CYS1: variants seen among roughly 807,000 people sequenced by gnomAD.
CYS1 encodes cystin-1.
CYS1 carries 5 observed loss-of-function variants against 9.6 expected under a neutral mutation model. That is an observed-to-expected ratio of 0.52 (90% CI 0.27 to 1.10). The LOEUF is 1.10. CYS1 is among the 50% of genes least tolerant of loss of function. The pLI is 0.11. For synonymous variants in CYS1, 88 were observed against 95.7 expected, an observed-to-expected ratio of 0.92 and a Z score of 0.47; for missense variants, 221 against 207.9, an observed-to-expected ratio of 1.06 and a Z score of -0.39.
At chr2:10,067,406 C>CT (rs34525296) in intron 1 of CYS1, among the ~76,000 whole-genome samples, 43,833 of 118,134 alleles carry the variant, frequency 0.37, 8,387 homozygotes, top group East Asian at 0.61. Context: ...AAATTCTTTT[C>CT]TTTTTTTTTT....
Position 10,077,144 on chromosome 2 carries a change from C to T in CYS1, c.318+2762G>A, listed in dbSNP as rs369837426. ...CCCCACTAGTGAGTCCATAAGCCAACCGCCCCTCACCACCGCCCGCCAACC... is the reference window on the plus strand; with the variant it reads ...CCCCACTAGTGAGTCCATAAGCCAATCGCCCCTCACCACCGCCCGCCAACC... On this transcript the variant is annotated intron_variant, in intron 1 of 2. Transcript: ENST00000381813. 5.3e-5 allele frequency among the ~76,000 whole-genome samples: 8 copies of T among 152,046 alleles called. No homozygotes were observed. The East Asian group carries it at 1.5e-3, about 29-fold the overall frequency.
chr2:10,075,600 C>T (rs1368145514), intron 1 of CYS1, among the ~76,000 whole-genome samples: 1 of 152,212 alleles, frequency 6.6e-6, no homozygotes, highest in Non-Finnish European at 1.5e-5. Context: ...CTCACTGTGA[C>T]TGCTCTCTTT....
In CYS1 at chr2:10,057,104, A is replaced by C. The variant is rs532015104; in HGVS notation, c.*1749T>G. 3 of 152,272 alleles carry C rather than the reference A, an allele frequency of 2.0e-5. No homozygotes were observed. The highest frequency in any genetic ancestry group is 7.2e-5 in the African/African-American group (3 of 41,474). 9.4% of individuals were successfully genotyped at this position (152,272 alleles called of 1,614,324 possible). ...CTTGGAAACCAATTGAAAGCGTCCC[A>C]TTTTAACAAAATGACATAAAATTAC... On this transcript the variant is annotated 3_prime_UTR_variant, in exon 3 of 3. Coordinates refer to ENST00000381813, the MANE Select transcript of CYS1 (RefSeq NM_001037160.3).
At chr2:10,064,347 CAGA>C (rs1353202667) in intron 2 of CYS1, among the ~76,000 whole-genome samples, 4 of 152,166 alleles carry the variant, frequency 2.6e-5, no homozygotes, top group Non-Finnish European at 1.5e-5. Flanking sequence ...GTGTAGAAGT[CAGA>C]AGAAGTAATA....
At chr2:10,071,885 T>C (rs530426589) in intron 1 of CYS1, among the ~76,000 whole-genome samples, 3 of 152,276 alleles carry the variant, frequency 2.0e-5, no homozygotes, top group Non-Finnish European at 2.9e-5. Flanking sequence ...AGTGTGTGTG[T>C]GCGCCCTGTT....
chr2:10,059,260 C>T (rs1291937791), intron 2 of CYS1, among the ~76,000 whole-genome samples: 3 of 152,274 alleles, frequency 2.0e-5, no homozygotes, highest in South Asian at 2.1e-4. Context: ...GCGGCTCACC[C>T]GCGCGCCTCA....
rs766062533 is a variant in CYS1 at position 10,056,867 on chromosome 2, C to T, written c.*1986G>A. The T allele has an allele frequency of 1.3e-5, 2 of 152,258 alleles. No homozygotes were observed. The highest frequency in any genetic ancestry group is 2.9e-5 in the Non-Finnish European group (2 of 68,048). The allele number at this position is 152,258 out of a possible 1,614,324, so 9.4% of individuals were successfully genotyped here. A position where few individuals can be genotyped will look rare whatever the true frequency, so the allele number is the denominator to read the frequency against. ...AGTACACACACACCGCTTTATTTGG[C>T]TAGCTGCTATTCAGAAGACACTTCC... On this transcript the variant is annotated 3_prime_UTR_variant, in exon 3 of 3. Coordinates refer to ENST00000381813, the MANE Select transcript of CYS1 (RefSeq NM_001037160.3).
In CYS1 at chr2:10,056,806, CTTTT is replaced by C. The variant is rs926219211; in HGVS notation, c.*2043_*2046del. On this transcript the variant is annotated 3_prime_UTR_variant, in exon 3 of 3. Transcript: ENST00000381813. The stretch of plus-strand genomic sequence containing the variant: ...GCTGGTACACACTGCTTTATTTGTT[CTTTT>C]TATTATTATTTTTAAGTTCACCTAC... 5 of 152,340 alleles carry C rather than the reference CTTTT, an allele frequency of 3.3e-5. No individual in the cohort carries two copies. In the East Asian group the frequency reaches 7.7e-4, roughly 24 times the overall value. The allele number at this position is 152,340 out of a possible 1,614,324, so 9.4% of individuals were successfully genotyped here.
In CYS1 at chr2:10,080,359, C is replaced by T. The variant is rs1661933885; in HGVS notation, c.-136G>A. 1 of 432,768 alleles carries T rather than the reference C, an allele frequency of 2.3e-6. No homozygotes were observed. Among genetic ancestry groups the T allele is most frequent in the South Asian group, 9.9e-5 (1 of 10,116 alleles). 26.8% of individuals were successfully genotyped at this position (432,768 alleles called of 1,614,324 possible). On this transcript the variant is annotated 5_prime_UTR_variant, in exon 1 of 3. Coordinates refer to ENST00000381813, the MANE Select transcript of CYS1 (RefSeq NM_001037160.3). The surrounding 1 kb of genome is among the most constrained non-coding windows in gnomAD (Gnocchi z 6.4). ...GCGAGGTCCGGGAAGCGACCGCGGC[C>T]AGGGGCTAGGGTTCCCGGGCGGGGG... is the stretch of plus-strand genomic sequence containing the variant.
chr2:10,071,027 C>T (rs1044660192), intron 1 of CYS1, among the ~76,000 whole-genome samples: 1 of 152,084 alleles, frequency 6.6e-6, no homozygotes, highest in African/African-American at 2.4e-5. Flanking sequence ...AGTGCAGTGG[C>T]GTGATTCGGC....
rs1017388126 is a variant in CYS1, at chr2:10,064,243, T to A, written c.371+1661A>T. 1.3e-4 allele frequency among the ~76,000 whole-genome samples: 19 copies of A among 151,872 alleles called. 1 individual carries two copies. In the South Asian group the frequency reaches 4.0e-3, roughly 32 times the overall value. On this transcript the variant is annotated intron_variant, in intron 2 of 2. Coordinates refer to ENST00000381813, the MANE Select transcript of CYS1 (RefSeq NM_001037160.3). ...TACCTCAAAAAAATAAAAAATAAAA[T>A]AAAAATAAATAAATAAATAAGTATA...
intron 2 of CYS1, among the ~76,000 whole-genome samples, chr2:10,065,394 C>T (rs1356502887): frequency 6.6e-6 from 1 of 152,214 alleles, no homozygotes; most frequent in Non-Finnish European, 1.5e-5. Flanking sequence ...ATCCCTGGAG[C>T]AGACAGACAA....
At chr2:10,073,985 G>A (rs1217122378) in intron 1 of CYS1, among the ~76,000 whole-genome samples, 1 of 152,174 alleles carries the variant, frequency 6.6e-6, no homozygotes, top group Non-Finnish European at 1.5e-5. Context: ...CCCCCGGGTC[G>A]AGGCACTGGG....
At chr2:10,071,919 G>C (rs1661773401) in intron 1 of CYS1, among the ~76,000 whole-genome samples, 1 of 152,192 alleles carries the variant, frequency 6.6e-6, no homozygotes. Flanking sequence ...TTGTGTGCGT[G>C]CGAGGGGTGT....
chr2:10,074,631 T>C (rs1661818118), intron 1 of CYS1, among the ~76,000 whole-genome samples: 1 of 152,240 alleles, frequency 6.6e-6, no homozygotes. Flanking sequence ...GTATTACCTC[T>C]TCTAATTTTT....
intron 2 of CYS1, among the ~76,000 whole-genome samples, chr2:10,064,224 A>C (rs185823118): frequency 2.0e-5 from 3 of 152,208 alleles, no homozygotes; most frequent in Admixed American, 6.5e-5. Context: ...ACTCTACCTC[A>C]AAAAAATAAA....
At chr2:10,079,182 C>T (rs1250532714) in intron 1 of CYS1, among the ~76,000 whole-genome samples, 1 of 152,078 alleles carries the variant, frequency 6.6e-6, no homozygotes, top group East Asian at 1.9e-4. Context: ...CTCCCTGGGG[C>T]CTTTTCAGGA....
intron 1 of CYS1, among the ~76,000 whole-genome samples, chr2:10,071,218 C>T (rs543339390): frequency 1.3e-5 from 2 of 152,318 alleles, no homozygotes; most frequent in South Asian, 2.1e-4. Flanking sequence ...CCACCGGCCT[C>T]GGCCTCCCAA....
chr2:10,058,707 A>G lies in CYS1; in HGVS notation c.*146T>C. The G allele has an allele frequency of 1.4e-6, 1 of 690,042 alleles. No individual in the cohort carries two copies. The highest frequency in any genetic ancestry group is 2.4e-6 in the Non-Finnish European group (1 of 425,332). 42.7% of individuals were successfully genotyped at this position (690,042 alleles called of 1,614,324 possible). A position where few individuals can be genotyped will look rare whatever the true frequency, so the allele number is the denominator to read the frequency against. On this transcript the variant is annotated 3_prime_UTR_variant, in exon 3 of 3. Coordinates refer to ENST00000381813, the MANE Select transcript of CYS1 (RefSeq NM_001037160.3). ...GGCTGGCCCAGGTCAGCGCGGTCTGAAAGTGGATTTGAAAGGGCAGCTTTG... is the reference window on the plus strand; with the variant it reads ...GGCTGGCCCAGGTCAGCGCGGTCTGGAAGTGGATTTGAAAGGGCAGCTTTG...
Sources: gnomAD v4.1 joint callset for allele counts (sites outside exome capture counted in the v4.1 genomes callset) on GRCh38, gnomAD v4.1.1 for gene constraint, Gnocchi (gnomAD v3.1) non-coding constraint, MANE v1.5 for transcripts, NCBI Gene and HGNC (gene_info 2026-07-23, HGNC 2026-07-21) for gene names.